GALNTL6: variants seen among roughly 807,000 people sequenced by gnomAD.
GALNTL6 encodes the protein polypeptide N-acetylgalactosaminyltransferase-like 6.
A neutral mutation model predicts 73.7 loss-of-function variants in GALNTL6; 46 were observed. The observed-to-expected ratio is 0.62, with a 90% confidence interval of 0.49 to 0.80. The LOEUF is 0.80. GALNTL6 is among the 30% of genes least tolerant of loss of function. GALNTL6 has a pLI of 0.00. For missense variants in GALNTL6, 604 were observed against 755.0 expected, an observed-to-expected ratio of 0.80 and a Z score of 2.34; for synonymous variants, 259 against 263.7, an observed-to-expected ratio of 0.98 and a Z score of 0.17.
chr4:172,172,257 G>A (rs1734852554), intron 2 of GALNTL6, among the ~76,000 whole-genome samples: 2 of 152,156 alleles, frequency 1.3e-5, no homozygotes, highest in African/African-American at 4.8e-5. Flanking sequence ...GAGCACAGTG[G>A]TGCGATCTCG....
intron 7 of GALNTL6, among the ~76,000 whole-genome samples, chr4:172,843,424 A>G (rs1329302672): frequency 1.3e-5 from 2 of 152,186 alleles, no homozygotes; most frequent in African/African-American, 4.8e-5. Flanking sequence ...AACCCTGGAA[A>G]GCGTTGCTTC....
At position 172,994,648 on chromosome 4, in the gene GALNTL6, G is replaced by A. The variant is rs564246568; in HGVS notation, c.1372-14530G>A. ...AATGTGTTTAGCAGTGCTGACATTC[G>A]CAATAGATAACCCAGACCGTGAATT... On this transcript the variant is annotated intron_variant, in intron 10 of 12. Transcript: ENST00000506823. Among the ~76,000 whole-genome samples, 47 of 152,158 alleles carry A rather than the reference G, an allele frequency of 3.1e-4. No homozygotes were observed. In the South Asian group the frequency reaches 3.1e-3, roughly 10 times the overall value.
At chr4:171,965,657 G>GAAAAAAAAAAAAAAAAAAAAAAA (rs10625618) in intron 2 of GALNTL6, among the ~76,000 whole-genome samples, 1 of 100,364 alleles carries the variant, frequency 1.0e-5, no homozygotes, top group African/African-American at 3.9e-5. Context: ...CTCCGTCTCA[G>GAAAAAAAAAAAAAAAAAAAAAAA]AAAAAAAAAA....
At chr4:172,932,166 AAAAT>A (rs1748375411) in intron 9 of GALNTL6, among the ~76,000 whole-genome samples, 1 of 152,244 alleles carries the variant, frequency 6.6e-6, no homozygotes, top group Admixed American at 6.5e-5. Flanking sequence ...AGCTTTTGTA[AAAAT>A]AAATAAACGA....
intron 2 of GALNTL6, among the ~76,000 whole-genome samples, chr4:172,219,526 C>T (rs904220767): frequency 2.0e-5 from 3 of 151,382 alleles, no homozygotes; most frequent in Non-Finnish European, 3.0e-5. Flanking sequence ...GTTGTTTTCC[C>T]GTAAGTAAAT....
chr4:172,135,023 A>G, intron 2 of GALNTL6, among the ~76,000 whole-genome samples: 1 of 152,130 alleles, frequency 6.6e-6, no homozygotes, highest in Non-Finnish European at 1.5e-5. Context: ...TTTACTAAAC[A>G]GTGAGATCAT....
At chr4:172,759,362 A>G (rs1254298956) in intron 5 of GALNTL6, among the ~76,000 whole-genome samples, 1 of 152,252 alleles carries the variant, frequency 6.6e-6, no homozygotes, top group Non-Finnish European at 1.5e-5. Context: ...AGATGGAAGC[A>G]GTCAAATTCT....
At chr4:172,084,060 A>G (rs951713085) in intron 2 of GALNTL6, among the ~76,000 whole-genome samples, 1 of 152,234 alleles carries the variant, frequency 6.6e-6, no homozygotes, top group African/African-American at 2.4e-5. Flanking sequence ...GATTGATGTC[A>G]TAGGAAACAA....
chr4:172,093,335 C>CT (rs552481497), intron 2 of GALNTL6, among the ~76,000 whole-genome samples: 30 of 152,016 alleles, frequency 2.0e-4, no homozygotes, highest in Non-Finnish European at 3.2e-4. Flanking sequence ...ACCATTGTAT[C>CT]TTTTTTTTAT....
intron 3 of GALNTL6, among the ~76,000 whole-genome samples, chr4:172,300,873 T>A: frequency 6.6e-6 from 1 of 152,166 alleles, no homozygotes; most frequent in Non-Finnish European, 1.5e-5. Context: ...GAGGAGTATC[T>A]TTGTGGCATT....
chr4:171,865,232 T>A (rs979709893), intron 2 of GALNTL6, among the ~76,000 whole-genome samples: 1 of 152,032 alleles, frequency 6.6e-6, no homozygotes, highest in Non-Finnish European at 1.5e-5. Flanking sequence ...TCAAGAAACC[T>A]GGTTTCTATG....
intron 5 of GALNTL6, among the ~76,000 whole-genome samples, chr4:172,659,562 C>T (rs1731263403): frequency 6.6e-6 from 1 of 151,602 alleles, no homozygotes; most frequent in East Asian, 2.0e-4. Context: ...TGGTAACCAC[C>T]ATTTATTCTC....
At chr4:171,930,271 A>C (rs1271155246) in intron 2 of GALNTL6, among the ~76,000 whole-genome samples, 1 of 152,184 alleles carries the variant, frequency 6.6e-6, no homozygotes, top group African/African-American at 2.4e-5. Context: ...ACCTTCACAA[A>C]TTCCTGTAAC....
intron 5 of GALNTL6, among the ~76,000 whole-genome samples, chr4:172,363,826 C>A (rs1011432236): frequency 6.6e-6 from 1 of 152,040 alleles, no homozygotes; most frequent in Non-Finnish European, 1.5e-5. Context: ...AAGTAATTTT[C>A]AGTCATTAGG....
rs555537110 is a variant in GALNTL6 at position 171,916,165 on chromosome 4, T to C, written c.138+101447T>C. 9.4e-4 allele frequency among the ~76,000 whole-genome samples: 143 copies of C among 152,168 alleles called. 1 individual carries two copies. The Middle Eastern group carries it at 0.02, about 22-fold the overall frequency. ...TAGTTACATTGTAGATTTGTTGAGA[T>C]AGATATGATATTGTGATACATGTAT... On this transcript the variant is annotated intron_variant, in intron 2 of 12. Coordinates refer to ENST00000506823, the MANE Select transcript of GALNTL6 (RefSeq NM_001034845.3).
At chr4:172,539,102 G>A (rs1735455019) in intron 5 of GALNTL6, among the ~76,000 whole-genome samples, 1 of 152,094 alleles carries the variant, frequency 6.6e-6, no homozygotes, top group Non-Finnish European at 1.5e-5. Flanking sequence ...GAGAATCTTG[G>A]GCTAGGATAA....
chr4:172,388,984 C>T (rs2111298723), intron 5 of GALNTL6, among the ~76,000 whole-genome samples: 1 of 151,900 alleles, frequency 6.6e-6, no homozygotes, highest in Admixed American at 6.6e-5. Context: ...TTTCCAATTC[C>T]TAATATTTCT....
At chr4:172,010,997 C>G (rs1433935249) in intron 2 of GALNTL6, among the ~76,000 whole-genome samples, 1 of 151,990 alleles carries the variant, frequency 6.6e-6, no homozygotes, top group Non-Finnish European at 1.5e-5. Flanking sequence ...GAAATTGCAA[C>G]CCAGAGCCTG....
intron 5 of GALNTL6, among the ~76,000 whole-genome samples, chr4:172,654,361 C>T (rs528391205): frequency 5.9e-5 from 9 of 152,272 alleles, no homozygotes; most frequent in Non-Finnish European, 1.0e-4. Context: ...AGAAAAACTT[C>T]CTAGAGTTCT....
Sources: allele counts gnomAD v4.1 joint callset (sites outside exome capture counted in the v4.1 genomes callset), GRCh38; gene constraint gnomAD v4.1.1; transcripts MANE v1.5; gene names NCBI Gene and HGNC (gene_info 2026-07-23, HGNC 2026-07-21).